Variants in WWOX observed in about 807,000 individuals in gnomAD.
The protein encoded by WWOX is WW domain containing oxidoreductase, also known as WW domain-containing oxidoreductase.
A neutral mutation model predicts 46.2 loss-of-function variants in WWOX; 69 were observed. That is an observed-to-expected ratio of 1.49 (90% CI 1.23 to 1.82). WWOX has a LOEUF of 1.82. Ranked by LOEUF, WWOX falls within the 40% of genes most tolerant of loss-of-function variation. The probability of loss-of-function intolerance (pLI) is 0.00; values close to 1 mark genes in which losing one functional copy is unlikely to be tolerated. For missense variants in WWOX, 919 were observed against 542.6 expected (o/e 1.69, Z -6.89); for synonymous variants, 359 against 202.6 (o/e 1.77, Z -6.56).
intron 8 of WWOX, among the ~76,000 whole-genome samples, chr16:78,982,453 G>A (rs2046701338): frequency 6.6e-6 from 1 of 152,214 alleles, no homozygotes; most frequent in Non-Finnish European, 1.5e-5. Flanking sequence ...CTGCATTCAG[G>A]CCCTTCCTGG....
chr16:78,530,703 C>T (rs554813549), intron 8 of WWOX, among the ~76,000 whole-genome samples: 2 of 152,328 alleles, frequency 1.3e-5, no homozygotes, highest in Admixed American at 1.3e-4. Flanking sequence ...TCACCACGGA[C>T]CTGCCCTCTT....
At chr16:78,713,676 T>C (rs929355406) in intron 8 of WWOX, among the ~76,000 whole-genome samples, 1 of 152,200 alleles carries the variant, frequency 6.6e-6, no homozygotes, top group Non-Finnish European at 1.5e-5. Flanking sequence ...GGTGGCTGTC[T>C]GCAAGCCAAG....
At chr16:78,753,785 G>C (rs868469363) in intron 8 of WWOX, among the ~76,000 whole-genome samples, 1 of 119,224 alleles carries the variant, frequency 8.4e-6, no homozygotes, top group African/African-American at 3.4e-5. Flanking sequence ...CTGGGTGACA[G>C]GGCAAGACCC....
At chr16:79,029,403 C>T (rs1224125844) in intron 8 of WWOX, among the ~76,000 whole-genome samples, 2 of 152,178 alleles carry the variant, frequency 1.3e-5, no homozygotes, top group African/African-American at 4.8e-5. Context: ...TGTCCATCAG[C>T]ACCATTGTCA....
chr16:78,220,493 C>G (rs946174121), intron 5 of WWOX, among the ~76,000 whole-genome samples: 1 of 152,106 alleles, frequency 6.6e-6, no homozygotes, highest in Non-Finnish European at 1.5e-5. Flanking sequence ...GACAGTCTCC[C>G]ATGGTTATTT....
chr16:78,147,706 A>G (rs1303221967), intron 4 of WWOX, among the ~76,000 whole-genome samples: 1 of 143,480 alleles, frequency 7.0e-6, no homozygotes, highest in East Asian at 2.0e-4. Context: ...TAAAAAAAAA[A>G]AAGGTGCTTG....
At chr16:78,402,396 G>T (rs1331097750) in intron 6 of WWOX, among the ~76,000 whole-genome samples, 1 of 152,122 alleles carries the variant, frequency 6.6e-6, no homozygotes, top group African/African-American at 2.4e-5. Context: ...TATTTCTGTT[G>T]TTCCTACTTT....
chr16:78,147,633 G>C (rs890942704), intron 4 of WWOX, among the ~76,000 whole-genome samples: 1 of 148,920 alleles, frequency 6.7e-6, no homozygotes, highest in Non-Finnish European at 1.5e-5. Flanking sequence ...TTTTTTAATG[G>C]TGAGAGCCAA....
At chr16:78,699,942 A>C (rs1042634111) in intron 8 of WWOX, among the ~76,000 whole-genome samples, 1 of 152,050 alleles carries the variant, frequency 6.6e-6, no homozygotes, top group Admixed American at 6.6e-5. Context: ...TGGCATTTTT[A>C]GTACTCACAA....
intron 5 of WWOX, among the ~76,000 whole-genome samples, chr16:78,199,264 G>A (rs954529513): frequency 1.3e-5 from 2 of 152,106 alleles, no homozygotes; most frequent in African/African-American, 2.4e-5. Context: ...AGTGAGCCCA[G>A]ATCGCACCAC....
At chr16:78,490,177 G>A (rs1005613453) in intron 8 of WWOX, among the ~76,000 whole-genome samples, 2 of 149,842 alleles carry the variant, frequency 1.3e-5, no homozygotes, top group Admixed American at 6.6e-5. Flanking sequence ...CTTTTACTTG[G>A]GGTTGACCTT....
intron 5 of WWOX, among the ~76,000 whole-genome samples, chr16:78,352,832 TTAGA>T (rs756000388): frequency 3.3e-5 from 5 of 152,184 alleles, no homozygotes; most frequent in African/African-American, 4.8e-5. Flanking sequence ...TATAGCAGAG[TTAGA>T]TAGATCCTTC....
chr16:78,360,191 G>A (rs1012042384), intron 5 of WWOX, among the ~76,000 whole-genome samples: 9 of 152,172 alleles, frequency 5.9e-5, no homozygotes, highest in Non-Finnish European at 1.2e-4. Context: ...AGGGCGTTTT[G>A]ACACCAGATA....
At chr16:78,229,221 A>G (rs1430882333) in intron 5 of WWOX, among the ~76,000 whole-genome samples, 2 of 151,396 alleles carry the variant, frequency 1.3e-5, no homozygotes, top group South Asian at 2.1e-4. Context: ...GAAGGACTTT[A>G]TAAATATTTT....
chr16:79,061,082 C>T (rs1380351698), intron 8 of WWOX, among the ~76,000 whole-genome samples: 1 of 152,110 alleles, frequency 6.6e-6, no homozygotes, highest in Non-Finnish European at 1.5e-5. Context: ...AGGGACGTGC[C>T]CCTTGAACGC....
intron 8 of WWOX, among the ~76,000 whole-genome samples, chr16:78,677,709 A>G (rs187607504): frequency 1.8e-3 from 277 of 152,318 alleles, no homozygotes; most frequent in African/African-American, 6.4e-3. Context: ...ACTCAGGTCT[A>G]TAAAGCATTT....
At chr16:78,583,259 G>A (rs908307527) in intron 8 of WWOX, among the ~76,000 whole-genome samples, 6 of 152,166 alleles carry the variant, frequency 3.9e-5, no homozygotes, top group South Asian at 2.1e-4. Flanking sequence ...AGTGCTGAAG[G>A]AACAACTGAT....
chr16:78,492,560 C>A (rs968243773), intron 8 of WWOX, among the ~76,000 whole-genome samples: 1 of 152,200 alleles, frequency 6.6e-6, no homozygotes, highest in Admixed American at 6.5e-5. Flanking sequence ...ACCCTGGGGA[C>A]TAAGCCCAGG....
intron 5 of WWOX, among the ~76,000 whole-genome samples, chr16:78,285,167 C>T (rs1037237395): frequency 6.6e-6 from 1 of 152,078 alleles, no homozygotes; most frequent in African/African-American, 2.4e-5. Flanking sequence ...GGCAAGGTGG[C>T]TCACATCTAT....
Sources: gnomAD v4.1 joint callset for allele counts (sites outside exome capture counted in the v4.1 genomes callset) on GRCh38, gnomAD v4.1.1 for gene constraint, MANE v1.5 for transcripts, NCBI Gene and HGNC (gene_info 2026-07-23, HGNC 2026-07-21) for gene names.